Variants in RXYLT1 observed in about 807,000 individuals in gnomAD.
The protein encoded by RXYLT1 is ribitol xylosyltransferase 1, also known as ribitol-5-phosphate xylosyltransferase 1.
In RXYLT1, 41 loss-of-function variants were observed where a neutral mutation model predicts 43.5. The ratio of observed to expected loss-of-function variants is 0.94; its 90% confidence interval spans 0.73 to 1.22. The LOEUF (loss-of-function observed/expected upper bound fraction) is 1.22, where lower values mean the gene tolerates loss of function less well. RXYLT1 is among the 50% of genes most tolerant of loss of function. RXYLT1 has a pLI of 0.00. For synonymous variants in RXYLT1, 166 were observed against 194.4 expected, an observed-to-expected ratio of 0.85 and a Z score of 1.21; for missense variants, 514 against 532.0, an observed-to-expected ratio of 0.97 and a Z score of 0.33.
At chr12:63,786,351 C>T (rs1032500085) in intron 3 of RXYLT1, among the ~76,000 whole-genome samples, 1 of 152,162 alleles carries the variant, frequency 6.6e-6, no homozygotes, top group Admixed American at 6.5e-5. Flanking sequence ...GGAGATTTTA[C>T]AGGCATCCTC....
chr12:63,805,481 C>CA, intron 5 of RXYLT1, 77 bp downstream of exon 5: 2 of 1,390,092 alleles, frequency 1.4e-6, no homozygotes, highest in Non-Finnish European at 1.9e-6. Context: ...CACAGGTTTC[C>CA]AAAGAGGCAT....
At position 63,802,146 on chromosome 12, in the gene RXYLT1, G is replaced by A. The variant is rs1332428229; in HGVS notation, c.484G>A (p.Val162Met). ...PGYFSVDVNN[V>M]VLILNGREKA... The stretch of plus-strand genomic sequence containing the variant: ...GTACTTCTCCGTTGATGTGAATAAT[G>A]TGGTACTCATTTTAAATGGAAGAGA... The change falls in exon 4 of 6, where the codon GTG becomes ATG. Residue 162 changes from valine (V) to methionine (M), a missense_variant. By Grantham distance (21) the Val-to-Met change is conservative (BLOSUM62 1). Coordinates refer to ENST00000261234, the MANE Select transcript of RXYLT1 (RefSeq NM_014254.3). The A allele has an allele frequency of 6.2e-7, 1 of 1,613,846 alleles. No individual in the cohort carries two copies. The highest frequency in any genetic ancestry group is 1.7e-5 in the Admixed American group (1 of 59,966).
chr12:63,790,172 T>C (rs575498965), intron 3 of RXYLT1: 1 of 152,260 alleles, frequency 6.6e-6, no homozygotes, highest in South Asian at 2.1e-4. Context: ...GAGCTGTCAG[T>C]CAGGCCATGT....
At chr12:63,790,362 T>C (rs1592845487) in intron 3 of RXYLT1, 1 of 152,174 alleles carries the variant, frequency 6.6e-6, no homozygotes, top group East Asian at 1.9e-4. Flanking sequence ...ACTGAATCGG[T>C]AACATCATCC....
At chr12:63,800,211 C>A (rs1178013348) in intron 3 of RXYLT1, among the ~76,000 whole-genome samples, 16 of 152,212 alleles carry the variant, frequency 1.1e-4, no homozygotes, top group Admixed American at 1.0e-3. Flanking sequence ...ATTGCCATTA[C>A]AAGCTGACAG....
intron 3 of RXYLT1, among the ~76,000 whole-genome samples, chr12:63,800,856 G>C (rs958288841): frequency 6.6e-6 from 1 of 151,956 alleles, no homozygotes; most frequent in Non-Finnish European, 1.5e-5. Context: ...AGGAGGCAGA[G>C]GCTGCTGTGA....
chr12:63,786,508 G>A (rs550031839), intron 3 of RXYLT1, among the ~76,000 whole-genome samples: 33 of 149,598 alleles, frequency 2.2e-4, no homozygotes, highest in African/African-American at 8.1e-4. Context: ...ATAGTATTAT[G>A]CCTAAAAAAA....
chr12:63,802,462 A>G, intron 4 of RXYLT1, 57 bp downstream of exon 4: 3 of 1,454,712 alleles, frequency 2.1e-6, no homozygotes, highest in Non-Finnish European at 2.8e-6. Flanking sequence ...TTTCTGAACC[A>G]GGAAGACTTA....
In RXYLT1 at chr12:63,808,718, G is replaced by C; in HGVS notation, c.958G>C (p.Asp320His). ...AAATGAAAGTCTTAAGAATTACCAA[G>C]ATGCCTTGCTTCAGAGTGATCTCAC... is the stretch of plus-strand genomic sequence containing the variant. ...ETNESLKNYQ[D>H]ALLQSDLTLC... is the part of the protein sequence containing the mutation. The change falls in exon 6 of 6, where the codon GAT becomes CAT. Residue 320 changes from aspartate (D) to histidine (H), a missense_variant. Transcript: ENST00000261234. 2.5e-6 allele frequency: 4 copies of C among 1,605,004 alleles called. No individual in the cohort carries two copies. Among genetic ancestry groups the C allele is most frequent in the Middle Eastern group, 1.7e-4 (1 of 6,026 alleles).
chr12:63,797,144 A>G (rs1207533719), intron 3 of RXYLT1, among the ~76,000 whole-genome samples: 2 of 151,776 alleles, frequency 1.3e-5, no homozygotes, highest in Admixed American at 1.3e-4. Flanking sequence ...TTGTATTTTT[A>G]GTAGAAATGG....
chr12:63,806,063 C>A (rs1898284743), intron 5 of RXYLT1: 1 of 152,204 alleles, frequency 6.6e-6, no homozygotes, highest in Non-Finnish European at 1.5e-5. Context: ...AATGCAGAGT[C>A]ATCAGGGAAG....
At chr12:63,795,760 TTAATC>T (rs1898018559) in intron 3 of RXYLT1, 1 of 152,114 alleles carries the variant, frequency 6.6e-6, no homozygotes, top group Admixed American at 6.6e-5. Context: ...TCTATGAACT[TTAATC>T]TATAGCCATT....
chr12:63,782,590 G>A (rs1272022238), intron 2 of RXYLT1: 1 of 456,510 alleles, frequency 2.2e-6, no homozygotes. Context: ...GAACCTTGTG[G>A]GCCCTCTGTG....
intron 3 of RXYLT1, among the ~76,000 whole-genome samples, chr12:63,798,944 T>C (rs1017599319): frequency 1.3e-5 from 2 of 152,220 alleles, no homozygotes; most frequent in South Asian, 2.1e-4. Context: ...TAGATACTTA[T>C]TAGGTTGTTT....
intron 3 of RXYLT1, among the ~76,000 whole-genome samples, chr12:63,799,139 G>A (rs7955690): frequency 0.012 from 1,841 of 152,212 alleles, 37 homozygotes; most frequent in African/African-American, 0.042. Flanking sequence ...GACCAAGACA[G>A]TATAAATGTG....
chr12:63,781,379 T>C (rs1044432716), intron 2 of RXYLT1, among the ~76,000 whole-genome samples: 3 of 152,236 alleles, frequency 2.0e-5, no homozygotes, highest in Non-Finnish European at 4.4e-5. Flanking sequence ...ATTCCACTGT[T>C]GGTCTTTAGC....
chr12:63,795,976 G>A (rs556913690), intron 3 of RXYLT1, among the ~76,000 whole-genome samples: 76 of 151,998 alleles, frequency 5.0e-4, no homozygotes, highest in African/African-American at 1.6e-3. Context: ...CATAATTACC[G>A]TATAATTATT....
intron 3 of RXYLT1, among the ~76,000 whole-genome samples, chr12:63,788,845 A>C (rs948809416): frequency 6.6e-6 from 1 of 152,232 alleles, no homozygotes; most frequent in Non-Finnish European, 1.5e-5. Context: ...TTGGCATAAG[A>C]GGCCTAGCTT....
At position 63,780,118 on chromosome 12, in the gene RXYLT1, G is replaced by C. The variant is rs1592837330; in HGVS notation, c.158G>C (p.Arg53Thr). ...LRKGAAPARERRGREQSTLES... is the reference protein window; with the variant it reads ...LRKGAAPARETRGREQSTLES... ...AAGGGGGCGGCCCCCGCGCGGGAGA[G>C]ACGCGGCCGAGGTAGGACTGGGTCG... is the stretch of plus-strand genomic sequence containing the variant. The change falls in exon 1 of 6, where the codon AGA (arginine) becomes ACA (threonine). Residue 53 changes from arginine (R) to threonine (T), a missense_variant. By Grantham distance (71) the Arg-to-Thr change is moderately conservative (BLOSUM62 -1). Coordinates refer to ENST00000261234, the MANE Select transcript of RXYLT1 (RefSeq NM_014254.3). 1.3e-6 allele frequency: 2 copies of C among 1,523,174 alleles called. No individual in the cohort carries two copies. The highest frequency in any genetic ancestry group is 2.5e-5 in the East Asian group (1 of 40,334). The allele number at this position is 1,523,174 out of a possible 1,614,324, so 94.4% of individuals were successfully genotyped here. A position where few individuals can be genotyped will look rare whatever the true frequency, so the allele number is the denominator to read the frequency against.
Sources: gnomAD v4.1 joint callset for allele counts (sites outside exome capture counted in the v4.1 genomes callset) on GRCh38, gnomAD v4.1.1 for gene constraint, MANE v1.5 for transcripts, NCBI Gene and HGNC (gene_info 2026-07-23, HGNC 2026-07-21) for gene names.